The following CNTNAP4 variants were observed in gnomAD, a reference collection of about 807,000 sequenced individuals.
The protein encoded by CNTNAP4 is contactin-associated protein-like 4.
CNTNAP4 carries 98 observed loss-of-function variants against 148.4 expected under a neutral mutation model. That is an observed-to-expected ratio of 0.66 (90% CI 0.56 to 0.78). CNTNAP4 has a LOEUF of 0.78. Ranked by LOEUF, CNTNAP4 falls within the 30% of genes least tolerant of loss-of-function variation. The pLI, the probability that CNTNAP4 is intolerant of heterozygous loss-of-function variation, is 0.00. For missense variants in CNTNAP4, 1,935 were observed against 1,565.6 expected (o/e 1.24, Z -3.98); for synonymous variants, 730 against 565.1 (o/e 1.29, Z -4.14).
At chr16:76,522,833 GCTCACTGCAAC>G (rs1332807093) in intron 17 of CNTNAP4, among the ~76,000 whole-genome samples, 1 of 150,364 alleles carries the variant, frequency 6.7e-6, no homozygotes, top group East Asian at 2.0e-4. Context: ...TGCGATCTCG[GCTCACTGCAAC>G]CTCCGCCCCC....
intron 15 of CNTNAP4, among the ~76,000 whole-genome samples, chr16:76,515,514 G>A (rs1250860369): frequency 6.6e-6 from 1 of 152,138 alleles, no homozygotes; most frequent in African/African-American, 2.4e-5. Flanking sequence ...AGGAAGAGAG[G>A]TCTCACAAGA....
chr16:76,361,466 A>G (rs769234833), intron 3 of CNTNAP4, among the ~76,000 whole-genome samples: 1 of 152,212 alleles, frequency 6.6e-6, no homozygotes, highest in Non-Finnish European at 1.5e-5. Context: ...TTTGTGCTGA[A>G]AGAATTTTGA....
At chr16:76,492,237 A>T (rs1038958700) in intron 13 of CNTNAP4, among the ~76,000 whole-genome samples, 3 of 152,198 alleles carry the variant, frequency 2.0e-5, no homozygotes, top group Non-Finnish European at 4.4e-5. Flanking sequence ...AAATCTGCTA[A>T]GAGAGTCGAT....
intron 2 of CNTNAP4, among the ~76,000 whole-genome samples, chr16:76,325,249 C>A (rs1962848804): frequency 6.6e-6 from 1 of 151,822 alleles, no homozygotes; most frequent in Non-Finnish European, 1.5e-5. Flanking sequence ...AAGATTTGAA[C>A]AAAAAATTAA....
Position 76,366,234 on chromosome 16 carries a change from A to G in CNTNAP4, c.390+10723A>G, listed in dbSNP as rs548742476. ...GTACAGATTATTTTGTCAGCCAGGT[A>G]CTAAGCCTGGTACCCAATAGTTAAT... On this transcript the variant is annotated intron_variant, in intron 3 of 23. Coordinates refer to ENST00000611870, the MANE Select transcript of CNTNAP4 (RefSeq NM_033401.5). 1.3e-4 allele frequency among the ~76,000 whole-genome samples: 20 copies of G among 152,294 alleles called. No individual in the cohort carries two copies. In the South Asian group the frequency reaches 4.1e-3, roughly 32 times the overall value.
At chr16:76,437,687 A>T (rs538090353) in intron 4 of CNTNAP4, among the ~76,000 whole-genome samples, 1 of 152,154 alleles carries the variant, frequency 6.6e-6, no homozygotes, top group Non-Finnish European at 1.5e-5. Flanking sequence ...AACACGAACC[A>T]TATCTTAATT....
At chr16:76,520,345 G>A (rs1327309819) in intron 15 of CNTNAP4, among the ~76,000 whole-genome samples, 1 of 152,140 alleles carries the variant, frequency 6.6e-6, no homozygotes, top group Non-Finnish European at 1.5e-5. Flanking sequence ...GAAAAAAGGA[G>A]TGAGAAATTA....
At chr16:76,533,313 A>G (rs1238332799) in intron 17 of CNTNAP4, among the ~76,000 whole-genome samples, 2 of 152,148 alleles carry the variant, frequency 1.3e-5, no homozygotes, top group African/African-American at 2.4e-5. Context: ...AAAAAGTAGA[A>G]CAGAGGATAC....
At chr16:76,362,619 G>T (rs1327022054) in intron 3 of CNTNAP4, among the ~76,000 whole-genome samples, 1 of 152,158 alleles carries the variant, frequency 6.6e-6, no homozygotes, top group East Asian at 1.9e-4. Flanking sequence ...ATGGTCTACT[G>T]ATCTTTCACA....
intron 9 of CNTNAP4, among the ~76,000 whole-genome samples, chr16:76,466,887 G>T (rs371747784): frequency 6.6e-6 from 1 of 152,138 alleles, no homozygotes; most frequent in East Asian, 1.9e-4. Flanking sequence ...CAAGCCAAGA[G>T]AACCCATTTT....
chr16:76,398,204 G>A (rs1386671439), intron 3 of CNTNAP4, among the ~76,000 whole-genome samples: 1 of 151,236 alleles, frequency 6.6e-6, no homozygotes, highest in Non-Finnish European at 1.5e-5. Flanking sequence ...CTTTTATTCT[G>A]GCCATGCTGG....
intron 15 of CNTNAP4, among the ~76,000 whole-genome samples, chr16:76,499,559 A>G (rs1057150972): frequency 2.6e-5 from 4 of 151,208 alleles, no homozygotes; most frequent in African/African-American, 9.7e-5. Context: ...TTATTTATTT[A>G]TTTATTTATT....
At chr16:76,374,306 A>G (rs1256125964) in intron 3 of CNTNAP4, among the ~76,000 whole-genome samples, 1 of 152,196 alleles carries the variant, frequency 6.6e-6, no homozygotes, top group Non-Finnish European at 1.5e-5. Flanking sequence ...AGAATCTTCT[A>G]TTTATTTTAG....
At chr16:76,361,181 T>G (rs959963736) in intron 3 of CNTNAP4, among the ~76,000 whole-genome samples, 2 of 152,106 alleles carry the variant, frequency 1.3e-5, no homozygotes, top group Admixed American at 6.6e-5. Context: ...CTTGACAAAT[T>G]TTTAAGTGCA....
At chr16:76,423,951 G>A (rs890282012) in intron 3 of CNTNAP4, among the ~76,000 whole-genome samples, 5 of 151,876 alleles carry the variant, frequency 3.3e-5, no homozygotes, top group South Asian at 2.1e-4. Context: ...ATTAATACAT[G>A]CCCATTAAAA....
At chr16:76,377,940 T>A (rs930769084) in intron 3 of CNTNAP4, among the ~76,000 whole-genome samples, 3 of 152,168 alleles carry the variant, frequency 2.0e-5, no homozygotes, top group African/African-American at 7.2e-5. Context: ...TGTCTGTGCA[T>A]TGTCCCACAT....
chr16:76,556,351 A>C (rs1467244287), intron 23 of CNTNAP4, among the ~76,000 whole-genome samples: 1 of 152,106 alleles, frequency 6.6e-6, no homozygotes, highest in Non-Finnish European at 1.5e-5. Flanking sequence ...ATAATAACTA[A>C]TTTATTTTTT....
rs58790585 is a variant in CNTNAP4 at position 76,514,256 on chromosome 16, A to G, written c.2366-6884A>G. Among the ~76,000 whole-genome samples, 898 of 152,304 alleles carry G rather than the reference A, an allele frequency of 5.9e-3. 12 individuals are homozygous for G. The highest frequency in any genetic ancestry group is 0.021 in the African/African-American group (867 of 41,560). On this transcript the variant is annotated intron_variant, in intron 15 of 23. Coordinates refer to ENST00000611870, the MANE Select transcript of CNTNAP4 (RefSeq NM_033401.5). Reference sequence around the variant, plus strand: ...TGGCAAACTTAGATAAGTGTTACTTATCTCATTTACTATTTTATATATTCT... The same window carrying G: ...TGGCAAACTTAGATAAGTGTTACTTGTCTCATTTACTATTTTATATATTCT...
chr16:76,539,325 T>C (rs1291072958), intron 19 of CNTNAP4, among the ~76,000 whole-genome samples: 1 of 152,108 alleles, frequency 6.6e-6, no homozygotes, highest in Non-Finnish European at 1.5e-5. Flanking sequence ...ATTTCATTAA[T>C]TGTTGTATTT....
Sources: allele counts gnomAD v4.1 joint callset (sites outside exome capture counted in the v4.1 genomes callset), GRCh38; gene constraint gnomAD v4.1.1; transcripts MANE v1.5; gene names NCBI Gene and HGNC (gene_info 2026-07-23, HGNC 2026-07-21).